The following RAPGEF5 variants were observed in gnomAD, a reference collection of about 807,000 sequenced individuals.
The protein encoded by RAPGEF5 is Rap guanine nucleotide exchange factor 5.
A neutral mutation model predicts 125.2 loss-of-function variants in RAPGEF5; 65 were observed. That is an observed-to-expected ratio of 0.52 (90% CI 0.43 to 0.64). RAPGEF5 has a LOEUF of 0.64. RAPGEF5 is among the 30% of genes least tolerant of loss of function. The pLI is 0.00. For missense variants in RAPGEF5, 958 were observed against 1,048.1 expected, an observed-to-expected ratio of 0.91 and a Z score of 1.19; for synonymous variants, 391 against 385.9, an observed-to-expected ratio of 1.01 and a Z score of -0.16.
chr7:22,332,244 G>C (rs571174814), intron 1 of RAPGEF5, among the ~76,000 whole-genome samples: 1 of 152,270 alleles, frequency 6.6e-6, no homozygotes, highest in South Asian at 2.1e-4. Context: ...CAGGGCACTC[G>C]AACTTTGCCT....
chr7:22,283,068 C>T (rs897150687), intron 6 of RAPGEF5, among the ~76,000 whole-genome samples: 2 of 151,316 alleles, frequency 1.3e-5, no homozygotes, highest in Non-Finnish European at 2.9e-5. Flanking sequence ...CACACACACA[C>T]ACGCATGAAA....
chr7:22,156,716 A>G, intron 16 of RAPGEF5, 94 bp downstream of exon 16: 1 of 1,577,446 alleles, frequency 6.3e-7, no homozygotes, highest in Non-Finnish European at 8.6e-7. Flanking sequence ...TGACAGCTGG[A>G]AATGAAGGTT....
chr7:22,145,359 T>C (rs1187529561), intron 19 of RAPGEF5, 137 bp from the exon 20 acceptor site: 2 of 768,514 alleles, frequency 2.6e-6, no homozygotes, highest in African/African-American at 1.8e-5. Flanking sequence ...TGGTGAATAG[T>C]AATACATTAA....
intron 1 of RAPGEF5, among the ~76,000 whole-genome samples, chr7:22,327,985 A>T (rs1455657664): frequency 6.6e-6 from 1 of 152,324 alleles, no homozygotes; most frequent in African/African-American, 2.4e-5. Flanking sequence ...AATGTTACCT[A>T]TTGTTATTGT....
intron 24 of RAPGEF5, 169 bp downstream of exon 24, chr7:22,130,868 A>C (rs1782893853): frequency 1.2e-6 from 1 of 851,880 alleles, no homozygotes; most frequent in African/African-American, 1.8e-5. Context: ...TTTTGTTGGC[A>C]GCGTACAACA....
chr7:22,271,248 T>G (rs553567605), intron 6 of RAPGEF5, among the ~76,000 whole-genome samples: 2 of 152,310 alleles, frequency 1.3e-5, no homozygotes, highest in South Asian at 4.1e-4. Context: ...GGCATCAGTG[T>G]GCATTGTTGT....
chr7:22,167,028 G>A lies in RAPGEF5; in HGVS notation c.1283+42C>T, dbSNP rs748175214. 2.7e-6 allele frequency: 4 copies of A among 1,506,088 alleles called. No homozygotes were observed. In the African/African-American group the frequency reaches 5.5e-5, roughly 21 times the overall value. 93.3% of individuals were successfully genotyped at this position (1,506,088 alleles called of 1,614,324 possible). A position where few individuals can be genotyped will look rare whatever the true frequency, so the allele number is the denominator to read the frequency against. ...AATTCCTAACGTGGGACATCTGTCT[G>A]AGAGGAAGTGGACACAGCAGCCTGA... On this transcript the variant is annotated intron_variant, in intron 12 of 25. Transcript: ENST00000665637.
chr7:22,256,005 T>C (rs920030652), intron 7 of RAPGEF5, among the ~76,000 whole-genome samples: 1 of 152,182 alleles, frequency 6.6e-6, no homozygotes, highest in Non-Finnish European at 1.5e-5. Flanking sequence ...AATCTTGTGA[T>C]TGAGACAGTG....
intron 9 of RAPGEF5, among the ~76,000 whole-genome samples, chr7:22,208,121 C>A (rs1429549497): frequency 6.6e-6 from 1 of 152,096 alleles, no homozygotes; most frequent in Non-Finnish European, 1.5e-5. Flanking sequence ...ATGCCGGTAT[C>A]TTTGGGGCTC....
intron 9 of RAPGEF5, among the ~76,000 whole-genome samples, chr7:22,196,274 G>A (rs1785145805): frequency 6.6e-6 from 1 of 152,176 alleles, no homozygotes; most frequent in Non-Finnish European, 1.5e-5. Context: ...CCTGACCCCT[G>A]CATGCTTAAC....
intron 8 of RAPGEF5, 137 bp downstream of exon 8, chr7:22,230,709 G>A: frequency 1.4e-6 from 1 of 736,650 alleles, no homozygotes; most frequent in East Asian, 2.8e-5. Context: ...TATCAAAACT[G>A]AGCACTTTAT....
At chr7:22,269,180 C>CAAA (rs34791723) in intron 6 of RAPGEF5, among the ~76,000 whole-genome samples, 5 of 73,862 alleles carry the variant, frequency 6.8e-5, no homozygotes, top group Admixed American at 1.5e-4. Flanking sequence ...AAGTTTTTGA[C>CAAA]AAAAAAAAAA....
intron 8 of RAPGEF5, among the ~76,000 whole-genome samples, chr7:22,223,709 A>C (rs1785847057): frequency 6.6e-6 from 1 of 152,220 alleles, no homozygotes; most frequent in Admixed American, 6.5e-5. Flanking sequence ...CAGGAGAGAC[A>C]GTGAAATACA....
intron 6 of RAPGEF5, among the ~76,000 whole-genome samples, chr7:22,278,583 A>T (rs1242949488): frequency 1.3e-5 from 2 of 151,988 alleles, no homozygotes; most frequent in African/African-American, 4.8e-5. Context: ...ACATGATGCT[A>T]ATTATTAGCT....
intron 11 of RAPGEF5, among the ~76,000 whole-genome samples, chr7:22,168,840 T>C (rs1321011832): frequency 1.3e-5 from 2 of 152,192 alleles, no homozygotes; most frequent in African/African-American, 4.8e-5. Context: ...GCTTTTTAAT[T>C]GCAAGATGCC....
chr7:22,238,435 T>TA (rs2128135730), intron 7 of RAPGEF5, among the ~76,000 whole-genome samples: 1 of 152,310 alleles, frequency 6.6e-6, no homozygotes, highest in South Asian at 2.1e-4. Flanking sequence ...CATACATGGA[T>TA]AAAATCACAT....
intron 7 of RAPGEF5, among the ~76,000 whole-genome samples, chr7:22,235,063 AT>A (rs1216713331): frequency 6.6e-6 from 1 of 152,222 alleles, no homozygotes; most frequent in Non-Finnish European, 1.5e-5. Context: ...CTTTAAAAAA[AT>A]CTTACAAACC....
intron 11 of RAPGEF5, among the ~76,000 whole-genome samples, chr7:22,191,095 C>T (rs984368795): frequency 5.9e-5 from 9 of 152,218 alleles, no homozygotes; most frequent in Middle Eastern, 3.4e-3. Context: ...CTTACCTGAC[C>T]GAGATAAAGA....
chr7:22,132,274 T>G (rs1782935229), intron 23 of RAPGEF5, among the ~76,000 whole-genome samples: 1 of 152,156 alleles, frequency 6.6e-6, no homozygotes, highest in African/African-American at 2.4e-5. Context: ...GTGACAATAG[T>G]TACACAGTTA....
Sources: gnomAD v4.1 joint callset for allele counts (sites outside exome capture counted in the v4.1 genomes callset) on GRCh38, gnomAD v4.1.1 for gene constraint, MANE v1.5 for transcripts, NCBI Gene and HGNC (gene_info 2026-07-23, HGNC 2026-07-21) for gene names.